DIAPH2: variants seen among roughly 807,000 people sequenced by gnomAD.
DIAPH2 encodes the protein protein diaphanous homolog 2.
DIAPH2 carries 35 observed loss-of-function variants against 92.7 expected under a neutral mutation model. The ratio of observed to expected loss-of-function variants is 0.38; its 90% CI spans 0.29 to 0.50. DIAPH2 has a LOEUF of 0.50. Among genes scored for constraint, DIAPH2 ranks in the 20% least tolerant of loss-of-function variants. The probability of loss-of-function intolerance (pLI) is 0.94; values close to 1 mark genes in which losing one functional copy is unlikely to be tolerated. For missense variants in DIAPH2, 701 were observed against 819.5 expected, an observed-to-expected ratio of 0.86 and a Z score of 1.77; for synonymous variants, 301 against 280.4, an observed-to-expected ratio of 1.07 and a Z score of -0.73.
chrX:97,374,358 CCTGT>C (rs2069479123), intron 24 of DIAPH2, among the ~76,000 whole-genome samples: 1 of 111,399 alleles, frequency 9.0e-6, no homozygotes, highest in South Asian at 3.8e-4. Context: ...GCCTTTAATC[CCTGT>C]CTAACTACAG....
intron 26 of DIAPH2, among the ~76,000 whole-genome samples, chrX:97,491,497 G>A (rs1751784571): frequency 9.0e-6 from 1 of 110,570 alleles, no homozygotes. Context: ...GGCAGCCTCC[G>A]CCTCCTGGGT....
intron 21 of DIAPH2, among the ~76,000 whole-genome samples, chrX:97,116,144 T>C (rs1195433188): frequency 8.9e-6 from 1 of 112,048 alleles, no homozygotes; most frequent in Non-Finnish European, 1.9e-5. Flanking sequence ...ATGCATTAAA[T>C]TGATGTTCAT....
chrX:97,037,758 T>A (rs761314421), intron 17 of DIAPH2, among the ~76,000 whole-genome samples: 10 of 111,984 alleles, frequency 8.9e-5, no homozygotes, highest in Non-Finnish European at 1.9e-4. Context: ...TTTTTGAATC[T>A]AATATTTATT....
chrX:97,237,727 G>A (rs774542929), intron 22 of DIAPH2, among the ~76,000 whole-genome samples: 3 of 110,227 alleles, frequency 2.7e-5, no homozygotes, highest in African/African-American at 6.6e-5. Flanking sequence ...TACCACAGGC[G>A]CCTGCCACCG....
At chrX:97,287,920 C>T (rs186162956) in intron 23 of DIAPH2, among the ~76,000 whole-genome samples, 2,817 of 86,047 alleles carry the variant, frequency 0.033, 149 homozygotes, top group African/African-American at 0.12. Flanking sequence ...ACCACTGCAC[C>T]CCAGCCTGGG....
chrX:97,530,020 GCATATTT>G (rs2071049361), intron 26 of DIAPH2, among the ~76,000 whole-genome samples: 1 of 112,041 alleles, frequency 8.9e-6, no homozygotes, highest in East Asian at 2.8e-4. Context: ...GAGAAATGAG[GCATATTT>G]CCTTTTGGGG....
intron 22 of DIAPH2, among the ~76,000 whole-genome samples, chrX:97,194,719 T>TA (rs1450264873): frequency 3.6e-5 from 4 of 112,111 alleles, no homozygotes; most frequent in African/African-American, 1.3e-4. Context: ...GAATTAAGTA[T>TA]AAAATCATAA....
chrX:97,452,692 G>A (rs1001027090), intron 26 of DIAPH2, among the ~76,000 whole-genome samples: 1 of 112,044 alleles, frequency 8.9e-6, no homozygotes, highest in Non-Finnish European at 1.9e-5. Flanking sequence ...AAATGATTTT[G>A]TTTAGTTCCA....
At chrX:97,264,426 GACAC>G (rs1203217203) in intron 23 of DIAPH2, among the ~76,000 whole-genome samples, 1 of 109,620 alleles carries the variant, frequency 9.1e-6, no homozygotes, top group East Asian at 2.8e-4. Context: ...CTCATGCATA[GACAC>G]ACAGACACAC....
chrX:97,072,840 A>G, intron 17 of DIAPH2, 101 bp from the exon 18 acceptor site: 1 of 452,432 alleles, frequency 2.2e-6, no homozygotes, highest in East Asian at 4.2e-5. Context: ...TATTGATTTC[A>G]GAATGAGCTT....
At chrX:96,975,519 ATAAGCTT>A (rs2065954991) in intron 17 of DIAPH2, among the ~76,000 whole-genome samples, 1 of 111,986 alleles carries the variant, frequency 8.9e-6, no homozygotes, top group African/African-American at 3.2e-5. Context: ...CTTCTGTAGT[ATAAGCTT>A]TAATGTATAT....
chrX:96,846,774 T>TG (rs1462827015), intron 4 of DIAPH2, among the ~76,000 whole-genome samples: 3 of 110,567 alleles, frequency 2.7e-5, no homozygotes, highest in Non-Finnish European at 5.7e-5. Context: ...AGTTTTTTTT[T>TG]TTTTTTTTAA....
chrX:97,089,625 A>G (rs675692), intron 19 of DIAPH2, among the ~76,000 whole-genome samples: 45,582 of 110,687 alleles, frequency 0.41, 6,834 homozygotes, highest in African/African-American at 0.49. Flanking sequence ...GATCTATCTC[A>G]TTGCATTTCA....
chrX:97,235,623 A>AG (rs1491424275), intron 22 of DIAPH2, among the ~76,000 whole-genome samples: 1 of 102,144 alleles, frequency 9.8e-6, no homozygotes, highest in East Asian at 3.0e-4. Flanking sequence ...AAAAAAAAAA[A>AG]GAAAGAAATT....
At chrX:97,130,283 G>T (rs2067129525) in intron 21 of DIAPH2, among the ~76,000 whole-genome samples, 1 of 111,881 alleles carries the variant, frequency 8.9e-6, no homozygotes, top group African/African-American at 3.2e-5. Context: ...CGGAAGCAGG[G>T]ACTACAGATG....
chrX:97,291,486 G>A (rs754013516), intron 23 of DIAPH2, among the ~76,000 whole-genome samples: 26 of 111,726 alleles, frequency 2.3e-4, no homozygotes, highest in African/African-American at 7.1e-4. Context: ...GGTAATATTA[G>A]TGATAGGACC....
At chrX:97,264,819 A>G (rs1267846775) in intron 23 of DIAPH2, among the ~76,000 whole-genome samples, 2 of 111,463 alleles carry the variant, frequency 1.8e-5, no homozygotes, top group African/African-American at 6.5e-5. Context: ...CCTCATCTCT[A>G]CTAAAAATAC....
intron 23 of DIAPH2, among the ~76,000 whole-genome samples, chrX:97,256,177 A>G (rs2068234715): frequency 8.9e-6 from 1 of 112,694 alleles, no homozygotes; most frequent in Non-Finnish European, 1.9e-5. Context: ...ATTGAGTAGA[A>G]ATAACACAAA....
At position 96,949,764 on chromosome X, in the gene DIAPH2, G is replaced by A. The variant is rs1423372179; in HGVS notation, c.1614+725G>A. Among the ~76,000 whole-genome samples, 18 of 106,513 alleles carry A rather than the reference G, an allele frequency of 1.7e-4. No homozygotes were observed. The East Asian group carries it at 5.0e-3, about 30-fold the overall frequency. 92.5% of individuals were successfully genotyped at this position (106,513 alleles called of 115,157 possible). ...AGTCCCAGCTACTCGGGAGGCTGAG[G>A]CAGGAGAATGGTGTGAAACCAGGAG... On this transcript the variant is annotated intron_variant, in intron 15 of 26. Transcript: ENST00000324765.
Sources: gnomAD v4.1 joint callset for allele counts (sites outside exome capture counted in the v4.1 genomes callset) on GRCh38, gnomAD v4.1.1 for gene constraint, MANE v1.5 for transcripts, NCBI Gene and HGNC (gene_info 2026-07-23, HGNC 2026-07-21) for gene names.